Variants in MACROD2 observed in about 807,000 individuals in gnomAD.
MACROD2 encodes the protein ADP-ribose glycohydrolase MACROD2.
MACROD2 carries 36 observed loss-of-function variants against 70.4 expected under a neutral mutation model. The observed-to-expected ratio is 0.51, with a 90% confidence interval of 0.39 to 0.68. The LOEUF (loss-of-function observed/expected upper bound fraction) is 0.68. Ranked by LOEUF, MACROD2 falls within the 30% of genes least tolerant of loss-of-function variation. The pLI, the probability that MACROD2 is intolerant of heterozygous loss-of-function variation, is 0.00. For missense variants in MACROD2, 496 were observed against 538.4 expected (o/e 0.92, Z 0.78); for synonymous variants, 172 against 178.8 (o/e 0.96, Z 0.30).
intron 3 of MACROD2, among the ~76,000 whole-genome samples, chr20:14,236,720 G>A (rs2122221977): frequency 6.6e-6 from 1 of 152,168 alleles, no homozygotes; most frequent in Admixed American, 6.5e-5. Flanking sequence ...TGAATTTGGT[G>A]TATATTCATT....
intron 10 of MACROD2, among the ~76,000 whole-genome samples, chr20:15,916,236 T>C (rs913772140): frequency 6.6e-6 from 1 of 152,170 alleles, no homozygotes; most frequent in Non-Finnish European, 1.5e-5. Flanking sequence ...CACTGATTCT[T>C]GGCCAGAGAC....
chr20:14,601,240 G>A (rs186748110), intron 4 of MACROD2, among the ~76,000 whole-genome samples: 195 of 152,276 alleles, frequency 1.3e-3, no homozygotes, highest in Non-Finnish European at 2.2e-3. Flanking sequence ...TTTCCATGGT[G>A]TTTGGGAGTG....
intron 6 of MACROD2, among the ~76,000 whole-genome samples, chr20:15,426,219 A>G (rs1218947038): frequency 6.7e-6 from 1 of 148,430 alleles, no homozygotes; most frequent in Non-Finnish European, 1.5e-5. Context: ...AAAAAAAAAA[A>G]GGATTTCAGT....
At chr20:14,040,834 ATGT>A (rs1219462591) in intron 2 of MACROD2, among the ~76,000 whole-genome samples, 2 of 152,176 alleles carry the variant, frequency 1.3e-5, no homozygotes, top group African/African-American at 4.8e-5. Context: ...ATTAATTGAA[ATGT>A]TGTGTGGCAC....
rs141174486 is a variant in MACROD2, at chr20:15,839,566, T to C, written c.646-23179T>C. ...GGATAAGAAACATGTGAAACAGAAT[T>C]GCCCCAGCCCACCTATGGTACAAAG... On this transcript the variant is annotated intron_variant, in intron 8 of 17. Transcript: ENST00000684519. Among the ~76,000 whole-genome samples the C allele has an allele frequency of 1.1e-4, 17 of 152,248 alleles. 1 individual carries two copies. The East Asian group carries it at 3.3e-3, about 29-fold the overall frequency.
intron 6 of MACROD2, among the ~76,000 whole-genome samples, chr20:15,237,438 A>G (rs747244368): frequency 6.6e-6 from 1 of 152,216 alleles, no homozygotes; most frequent in Admixed American, 6.5e-5. Context: ...TTGTCTTTAC[A>G]TGTTGAAAAT....
intron 6 of MACROD2, among the ~76,000 whole-genome samples, chr20:15,336,462 A>G (rs1348723069): frequency 6.6e-6 from 1 of 151,196 alleles, no homozygotes; most frequent in Non-Finnish European, 1.5e-5. Flanking sequence ...ACAGAGACTG[A>G]GTAATTTTGT....
chr20:15,922,062 C>G (rs890454015), intron 10 of MACROD2, among the ~76,000 whole-genome samples: 2 of 152,154 alleles, frequency 1.3e-5, no homozygotes, highest in Admixed American at 6.5e-5. Flanking sequence ...GACAAGCATC[C>G]TGTTGAGACC....
intron 9 of MACROD2, among the ~76,000 whole-genome samples, chr20:15,879,772 A>C (rs1046439953): frequency 3.6e-4 from 55 of 152,122 alleles, no homozygotes; most frequent in African/African-American, 1.3e-3. Flanking sequence ...GTTAAGTCCC[A>C]AGATCTGCAG....
chr20:15,251,806 G>C (rs756761009), intron 6 of MACROD2, among the ~76,000 whole-genome samples: 2 of 152,134 alleles, frequency 1.3e-5, no homozygotes, highest in Non-Finnish European at 2.9e-5. Context: ...AATTGAGAAA[G>C]TTCCGGGTAA....
intron 15 of MACROD2, among the ~76,000 whole-genome samples, chr20:16,017,644 G>A (rs988474505): frequency 6.6e-6 from 1 of 152,102 alleles, no homozygotes; most frequent in Non-Finnish European, 1.5e-5. Context: ...AAGCCTTTGA[G>A]CCATTTTGCT....
intron 5 of MACROD2, among the ~76,000 whole-genome samples, chr20:14,762,894 C>T (rs1434372244): frequency 6.6e-6 from 1 of 152,032 alleles, no homozygotes; most frequent in Non-Finnish European, 1.5e-5. Context: ...TGCGCCACTG[C>T]ACTCCAGCAT....
At chr20:14,327,328 G>A in intron 3 of MACROD2, 2 of 1,613,784 alleles carry the variant, frequency 1.2e-6, no homozygotes, top group South Asian at 1.1e-5. Context: ...GAGAGTTGTA[G>A]CATCCTCTGG....
intron 5 of MACROD2, chr20:15,197,005 G>C (rs1409849698): frequency 2.0e-6 from 2 of 985,258 alleles, no homozygotes; most frequent in African/African-American, 3.5e-5. Context: ...CAACACTCAG[G>C]AAGGTCGCAT....
chr20:15,854,003 G>A (rs2064329260), intron 8 of MACROD2, among the ~76,000 whole-genome samples: 1 of 152,132 alleles, frequency 6.6e-6, no homozygotes, highest in South Asian at 2.1e-4. Flanking sequence ...GGAACTGCGT[G>A]GGAGGCTGAA....
chr20:15,287,514 G>A (rs2077502677), intron 6 of MACROD2, among the ~76,000 whole-genome samples: 1 of 152,208 alleles, frequency 6.6e-6, no homozygotes, highest in African/African-American at 2.4e-5. Context: ...ACAAAGGACA[G>A]AGAGACTTAA....
intron 2 of MACROD2, among the ~76,000 whole-genome samples, chr20:14,083,235 C>A (rs577134410): frequency 1.3e-5 from 2 of 151,284 alleles, no homozygotes; most frequent in Admixed American, 6.6e-5. Context: ...AGTTCAAGAC[C>A]AGCCTGGCCA....
intron 4 of MACROD2, among the ~76,000 whole-genome samples, chr20:14,599,783 T>A (rs555099022): frequency 1.6e-4 from 24 of 152,236 alleles, no homozygotes; most frequent in African/African-American, 5.8e-4. Context: ...TGGGAACAGA[T>A]GCAAGAGGCA....
At chr20:14,532,651 C>A (rs1021790150) in intron 4 of MACROD2, among the ~76,000 whole-genome samples, 2 of 152,186 alleles carry the variant, frequency 1.3e-5, no homozygotes, top group Non-Finnish European at 2.9e-5. Flanking sequence ...TTTCTCCCCC[C>A]TCTTGGTTAA....
Sources: allele counts gnomAD v4.1 joint callset (sites outside exome capture counted in the v4.1 genomes callset), GRCh38; gene constraint gnomAD v4.1.1; transcripts MANE v1.5; gene names NCBI Gene and HGNC (gene_info 2026-07-23, HGNC 2026-07-21).